FGF14: variants seen among roughly 807,000 people sequenced by gnomAD.
FGF14 encodes fibroblast growth factor 14.
A neutral mutation model predicts 25.5 loss-of-function variants in FGF14; 5 were observed. That is an observed-to-expected ratio of 0.20 (90% CI 0.10 to 0.41). The LOEUF is 0.41. Ranked by LOEUF, FGF14 falls within the 10% of genes least tolerant of loss-of-function variation. The pLI is 1.00. For missense variants in FGF14, 222 were observed against 320.1 expected, an observed-to-expected ratio of 0.69 and a Z score of 2.34; for synonymous variants, 138 against 118.3, an observed-to-expected ratio of 1.17 and a Z score of -1.08.
chr13:102,299,337 G>A (rs1444369056), intron 1 of FGF14, among the ~76,000 whole-genome samples: 1 of 152,114 alleles, frequency 6.6e-6, no homozygotes, highest in East Asian at 1.9e-4. Context: ...ATCCAGGGGA[G>A]TCAAAATGGA....
At chr13:101,844,723 T>G (rs1264522383) in intron 3 of FGF14, among the ~76,000 whole-genome samples, 1 of 151,970 alleles carries the variant, frequency 6.6e-6, no homozygotes, top group Admixed American at 6.6e-5. Context: ...TCAGGAAAAA[T>G]ATAATCTCCC....
At chr13:101,961,588 G>T (rs2036860602) in intron 1 of FGF14, among the ~76,000 whole-genome samples, 1 of 152,094 alleles carries the variant, frequency 6.6e-6, no homozygotes, top group African/African-American at 2.4e-5. Context: ...TCATCTTGTA[G>T]TTCTCATAAT....
intron 1 of FGF14, among the ~76,000 whole-genome samples, chr13:102,188,283 A>G (rs1211756020): frequency 6.6e-6 from 1 of 152,172 alleles, no homozygotes. Context: ...TTAGACTGGG[A>G]AAAAAACAAT....
chr13:101,875,996 T>C (rs2045369835), intron 1 of FGF14, among the ~76,000 whole-genome samples: 1 of 152,028 alleles, frequency 6.6e-6, no homozygotes, highest in Admixed American at 6.6e-5. Context: ...ATTAGACAAA[T>C]TAAACTGCTA....
chr13:102,336,266 T>C (rs1414123474), intron 1 of FGF14, among the ~76,000 whole-genome samples: 1 of 152,164 alleles, frequency 6.6e-6, no homozygotes, highest in Non-Finnish European at 1.5e-5. Flanking sequence ...AGCGAACACA[T>C]GAATGATAAG....
rs192950544 is a variant in FGF14 at position 102,371,205 on chromosome 13, C to T, written c.208+30266G>A. Among the ~76,000 whole-genome samples the T allele has an allele frequency of 1.7e-3, 256 of 152,186 alleles. 1 individual carries two copies. The highest frequency in any genetic ancestry group is 5.2e-3 in the African/African-American group (215 of 41,538). ...ATACAATAAAAACAAAATTTATAACCTGATACAAAATGTTCTTCATGGGCT... is the reference window on the plus strand; with the variant it reads ...ATACAATAAAAACAAAATTTATAACTTGATACAAAATGTTCTTCATGGGCT... On this transcript the variant is annotated intron_variant, in intron 1 of 4. Transcript: ENST00000376131.
At chr13:101,900,753 C>A (rs1308108102) in intron 1 of FGF14, among the ~76,000 whole-genome samples, 18 of 152,064 alleles carry the variant, frequency 1.2e-4, no homozygotes. Context: ...GGTCTTCACA[C>A]AAGTGTATTT....
chr13:102,001,813 T>C (rs2039511424), intron 1 of FGF14, among the ~76,000 whole-genome samples: 1 of 152,146 alleles, frequency 6.6e-6, no homozygotes, highest in Non-Finnish European at 1.5e-5. Context: ...AGAAGAGCAC[T>C]GCAAGAAAAC....
At chr13:101,863,643 G>A (rs2044543190) in intron 3 of FGF14, among the ~76,000 whole-genome samples, 1 of 152,224 alleles carries the variant, frequency 6.6e-6, no homozygotes, top group South Asian at 2.1e-4. Context: ...GGACATGTAT[G>A]TCTTTGGGTG....
At chr13:101,835,894 TG>T (rs1194245243) in intron 3 of FGF14, among the ~76,000 whole-genome samples, 9 of 152,048 alleles carry the variant, frequency 5.9e-5, no homozygotes, top group Non-Finnish European at 8.8e-5. Flanking sequence ...GGGGTCTGAC[TG>T]TTGCTGGAAG....
intron 1 of FGF14, among the ~76,000 whole-genome samples, chr13:101,973,119 C>CT (rs35290815): frequency 0.019 from 2,376 of 127,398 alleles, 69 homozygotes; most frequent in East Asian, 0.092. Context: ...AAGTGTGCTT[C>CT]TTTTTTTTTT....
chr13:102,371,684 C>T (rs1329333386), intron 1 of FGF14, among the ~76,000 whole-genome samples: 4 of 151,718 alleles, frequency 2.6e-5, no homozygotes, highest in African/African-American at 9.7e-5. Context: ...CATAGAAGAT[C>T]GATGTGCCAA....
chr13:101,764,178 T>G (rs1424130206), intron 3 of FGF14, among the ~76,000 whole-genome samples: 1 of 152,188 alleles, frequency 6.6e-6, no homozygotes, highest in African/African-American at 2.4e-5. Flanking sequence ...ATTATTCTTA[T>G]TTTAATACTC....
chr13:102,123,851 G>A (rs1379674777), intron 1 of FGF14, among the ~76,000 whole-genome samples: 2 of 152,120 alleles, frequency 1.3e-5, no homozygotes, highest in East Asian at 1.9e-4. Flanking sequence ...TGAATTAAAT[G>A]TTTGACATTA....
intron 3 of FGF14, among the ~76,000 whole-genome samples, chr13:101,864,344 ACT>A (rs1288786608): frequency 3.9e-5 from 6 of 152,082 alleles, no homozygotes; most frequent in South Asian, 2.1e-4. Flanking sequence ...ATTTTCACCA[ACT>A]CTGTTACCAT....
At chr13:102,215,415 T>C (rs781422538) in intron 1 of FGF14, among the ~76,000 whole-genome samples, 1 of 152,232 alleles carries the variant, frequency 6.6e-6, no homozygotes, top group African/African-American at 2.4e-5. Context: ...TTTATTTTTT[T>C]CTCTGTACCT....
intron 1 of FGF14, among the ~76,000 whole-genome samples, chr13:101,981,846 C>G (rs1483270987): frequency 1.3e-5 from 2 of 152,182 alleles, no homozygotes; most frequent in Non-Finnish European, 2.9e-5. Context: ...TGAAACAAAT[C>G]AGCTCCACCT....
intron 1 of FGF14, among the ~76,000 whole-genome samples, chr13:102,135,069 G>A (rs914126563): frequency 2.0e-5 from 3 of 151,134 alleles, no homozygotes; most frequent in South Asian, 2.1e-4. Flanking sequence ...ACAAATCCGC[G>A]TGGTGGTGTG....
chr13:102,131,221 T>C (rs1310959999), intron 1 of FGF14, among the ~76,000 whole-genome samples: 1 of 152,166 alleles, frequency 6.6e-6, no homozygotes, highest in South Asian at 2.1e-4. Context: ...TTGGGATATA[T>C]TGCTGGCGTA....
Sources: gnomAD v4.1 joint callset for allele counts (sites outside exome capture counted in the v4.1 genomes callset) on GRCh38, gnomAD v4.1.1 for gene constraint, MANE v1.5 for transcripts, NCBI Gene and HGNC (gene_info 2026-07-23, HGNC 2026-07-21) for gene names.